The following PDE1A variants were observed in gnomAD, a reference collection of about 807,000 sequenced individuals.
The protein encoded by PDE1A is dual specificity calcium/calmodulin-dependent 3',5'-cyclic nucleotide phosphodiesterase 1A.
PDE1A carries 35 observed loss-of-function variants against 61.7 expected under a neutral mutation model. That is an observed-to-expected ratio of 0.57 (90% confidence interval 0.43 to 0.75). The LOEUF (loss-of-function observed/expected upper bound fraction) is 0.75. Ranked by LOEUF, PDE1A falls within the 30% of genes least tolerant of loss-of-function variation. PDE1A has a pLI of 0.00. For missense variants in PDE1A, 597 were observed against 630.6 expected, an observed-to-expected ratio of 0.95 and a Z score of 0.57; for synonymous variants, 232 against 213.2, an observed-to-expected ratio of 1.09 and a Z score of -0.77.
intron 2 of PDE1A, among the ~76,000 whole-genome samples, chr2:182,263,221 A>C (rs1692356179): frequency 6.6e-6 from 1 of 152,080 alleles, no homozygotes; most frequent in South Asian, 2.1e-4. Flanking sequence ...TATAGGACCA[A>C]AGGGTCTGGC....
At chr2:182,629,104 G>A in the PDE1A span, among the ~76,000 whole-genome samples, 20 of 152,206 alleles carry the variant, frequency 1.3e-4, no homozygotes, top group African/African-American at 4.6e-4. Context: ...GCCAACAGCC[G>A]GTAAGAAGCC....
At chr2:182,633,720 A>G in the PDE1A span, among the ~76,000 whole-genome samples, 2 of 152,172 alleles carry the variant, frequency 1.3e-5, no homozygotes, top group Non-Finnish European at 2.9e-5. Flanking sequence ...GCATCCTAAG[A>G]GAACATTACA....
Position 182,205,897 on chromosome 2 carries a change from T to G in PDE1A, c.902+43A>C, listed in dbSNP as rs925952307. ...GACTTTAAATCGCATAATTTATTCC[T>G]TTCCTGAAATTAAATTTCCTCTAGG... is the stretch of plus-strand genomic sequence containing the variant. On this transcript the variant is annotated intron_variant, in intron 8 of 13. Transcript: ENST00000351439. 3 of 1,556,576 alleles carry G rather than the reference T, an allele frequency of 1.9e-6. No individual in the cohort carries two copies. The Admixed American group carries it at 5.6e-5, about 29-fold the overall frequency.
rs569436198 is a variant in PDE1A, at chr2:182,518,513, T to A, written c.101+3763A>T. Reference sequence around the variant, plus strand: ...CAAGCATTGCATTCACAATTCCAAGTCTTAAAATTAATATCTGGACATTCG... The same window carrying A: ...CAAGCATTGCATTCACAATTCCAAGACTTAAAATTAATATCTGGACATTCG... On this transcript the variant is annotated intron_variant, in intron 2 of 14. Coordinates refer to the PDE1A transcript ENST00000410103. Among the ~76,000 whole-genome samples the A allele has an allele frequency of 2.3e-4, 35 of 152,258 alleles. No homozygotes were observed. In the East Asian group the frequency reaches 6.4e-3, roughly 28 times the overall value.
chr2:182,211,473 T>C (rs1687594494), intron 7 of PDE1A, among the ~76,000 whole-genome samples: 1 of 152,236 alleles, frequency 6.6e-6, no homozygotes, highest in African/African-American at 2.4e-5. Context: ...TTTGTGCTTC[T>C]CCTTTAAAAC....
intron 2 of PDE1A, among the ~76,000 whole-genome samples, chr2:182,505,971 C>T (rs1329261221): frequency 1.3e-5 from 2 of 152,134 alleles, no homozygotes; most frequent in African/African-American, 4.8e-5. Flanking sequence ...CATAAAGATG[C>T]TTGTTCATAC....
the PDE1A span, among the ~76,000 whole-genome samples, chr2:182,566,615 T>C: frequency 6.6e-6 from 1 of 152,028 alleles, no homozygotes; most frequent in Non-Finnish European, 1.5e-5. Flanking sequence ...TGCATGTAAC[T>C]GGAAAAGGCT....
chr2:182,223,473 A>G (rs1376289191), intron 7 of PDE1A, among the ~76,000 whole-genome samples: 1 of 151,860 alleles, frequency 6.6e-6, no homozygotes, highest in African/African-American at 2.4e-5. Context: ...TAATTTTTGG[A>G]TTTTGTTTTC....
intron 2 of PDE1A, among the ~76,000 whole-genome samples, chr2:182,453,950 T>C (rs970530488): frequency 1.3e-5 from 2 of 151,928 alleles, no homozygotes; most frequent in African/African-American, 4.8e-5. Context: ...ATAAAGGGTA[T>C]TCAATTAGGA....
chr2:182,405,961 T>C (rs899032303), intron 1 of PDE1A, among the ~76,000 whole-genome samples: 2 of 151,952 alleles, frequency 1.3e-5, no homozygotes, highest in Non-Finnish European at 2.9e-5. Flanking sequence ...AACATATTGC[T>C]CTACAAGTAT....
At chr2:182,514,916 G>T (rs982901630) in intron 2 of PDE1A, among the ~76,000 whole-genome samples, 1 of 152,138 alleles carries the variant, frequency 6.6e-6, no homozygotes, top group Non-Finnish European at 1.5e-5. Context: ...AGTTTTGAAG[G>T]TTAAGTTGAA....
intron 1 of PDE1A, among the ~76,000 whole-genome samples, chr2:182,277,657 G>T (rs1230767483): frequency 6.6e-6 from 1 of 152,074 alleles, no homozygotes; most frequent in Non-Finnish European, 1.5e-5. Flanking sequence ...GCCCTAGGTT[G>T]TCTTTAAGGA....
the PDE1A span, among the ~76,000 whole-genome samples, chr2:182,548,181 G>A: frequency 6.6e-6 from 1 of 152,188 alleles, no homozygotes; most frequent in African/African-American, 2.4e-5. Flanking sequence ...GACACCAGAG[G>A]TGAAATAGTG....
intron 1 of PDE1A, among the ~76,000 whole-genome samples, chr2:182,371,507 G>A (rs922665928): frequency 6.6e-6 from 1 of 152,194 alleles, no homozygotes. Context: ...CAAGCAGACT[G>A]CCCCACAATG....
intron 2 of PDE1A, among the ~76,000 whole-genome samples, chr2:182,434,177 CA>C (rs1704094546): frequency 6.6e-6 from 1 of 152,002 alleles, no homozygotes; most frequent in South Asian, 2.1e-4. Flanking sequence ...CAAGTTATAC[CA>C]AAAATATATT....
intron 2 of PDE1A, among the ~76,000 whole-genome samples, chr2:182,454,488 C>T (rs1260897462): frequency 2.4e-4 from 36 of 151,860 alleles, no homozygotes; most frequent in East Asian, 1.7e-3. Context: ...AGAACAAAGC[C>T]GGAGGCGTCA....
At chr2:182,542,401 A>G in the PDE1A span, among the ~76,000 whole-genome samples, 1 of 152,168 alleles carries the variant, frequency 6.6e-6, no homozygotes, top group African/African-American at 2.4e-5. Flanking sequence ...TAACCAGTAG[A>G]TGTTCCAAAT....
intron 1 of PDE1A, among the ~76,000 whole-genome samples, chr2:182,268,133 G>C (rs1472113534): frequency 1.3e-5 from 2 of 152,018 alleles, no homozygotes; most frequent in African/African-American, 4.8e-5. Flanking sequence ...AAGTTGTTCT[G>C]GTTCCCAAAG....
chr2:182,476,320 G>A (rs572121809), intron 2 of PDE1A, among the ~76,000 whole-genome samples: 4 of 151,816 alleles, frequency 2.6e-5, no homozygotes, highest in Admixed American at 1.3e-4. Context: ...ACAAAACCCC[G>A]TCTCTACCAA....
Sources: allele counts gnomAD v4.1 joint callset (sites outside exome capture counted in the v4.1 genomes callset), GRCh38; gene constraint gnomAD v4.1.1; transcripts MANE v1.5; gene names NCBI Gene and HGNC (gene_info 2026-07-23, HGNC 2026-07-21).